Variants in NRG1 observed in about 807,000 individuals in gnomAD.
NRG1 encodes the protein neuregulin 1.
Under a neutral mutation model 63.8 loss-of-function variants are expected in NRG1, and 18 were observed. That is an observed-to-expected ratio of 0.28 (90% confidence interval 0.19 to 0.42). The LOEUF is 0.42. NRG1 is among the 10% of genes least tolerant of loss of function. The probability of loss-of-function intolerance (pLI) is 1.00; values close to 1 mark genes in which losing one functional copy is unlikely to be tolerated. For missense variants in NRG1, 762 were observed against 814.7 expected (o/e 0.94, Z 0.79); for synonymous variants, 302 against 301.3 (o/e 1.00, Z -0.02).
chr8:31,918,131 A>G (rs1345518324), intron 1 of NRG1, among the ~76,000 whole-genome samples: 2 of 152,176 alleles, frequency 1.3e-5, no homozygotes, highest in African/African-American at 4.8e-5. Context: ...CTAGATATAC[A>G]ATCATGTCAT....
At chr8:32,060,828 T>G (rs1237113652) in intron 1 of NRG1, among the ~76,000 whole-genome samples, 1 of 151,940 alleles carries the variant, frequency 6.6e-6, no homozygotes, top group Non-Finnish European at 1.5e-5. Context: ...TAGACTCTGG[T>G]TTTCTGCCTG....
intron 1 of NRG1, among the ~76,000 whole-genome samples, chr8:31,799,658 T>C (rs1396734153): frequency 6.6e-6 from 1 of 152,116 alleles, no homozygotes; most frequent in Admixed American, 6.5e-5. Context: ...TTTGCACTTT[T>C]ATGATTTTCC....
intron 1 of NRG1, among the ~76,000 whole-genome samples, chr8:31,937,781 C>T (rs117483094): frequency 0.014 from 2,123 of 152,242 alleles, 24 homozygotes; most frequent in Non-Finnish European, 0.024. Context: ...TATGACTCAA[C>T]AGTGGCAGCC....
At chr8:32,686,954 G>A (rs145089681) in intron 5 of NRG1, among the ~76,000 whole-genome samples, 2 of 152,328 alleles carry the variant, frequency 1.3e-5, no homozygotes, top group African/African-American at 2.4e-5. Flanking sequence ...AATTAACCCA[G>A]TGTTTGAATC....
At chr8:32,457,944 A>T (rs1373204578) in intron 1 of NRG1, among the ~76,000 whole-genome samples, 1 of 151,428 alleles carries the variant, frequency 6.6e-6, no homozygotes, top group Non-Finnish European at 1.5e-5. Context: ...TTTGAGATAG[A>T]GTCTCACTCT....
chr8:32,119,716 A>C (rs1450810483), intron 1 of NRG1, among the ~76,000 whole-genome samples: 1 of 151,982 alleles, frequency 6.6e-6, no homozygotes, highest in African/African-American at 2.4e-5. Flanking sequence ...GACACCCAGG[A>C]CAACTGGAAG....
rs1016272754 is a variant in NRG1, at chr8:32,013,961, C to A, written c.37+374530C>A. 5.3e-5 allele frequency among the ~76,000 whole-genome samples: 8 copies of A among 152,194 alleles called. No individual in the cohort carries two copies. The East Asian group carries it at 1.2e-3, about 22-fold the overall frequency. The stretch of plus-strand genomic sequence containing the variant: ...CAACTCAAAATAGGAAAAATTGTGA[C>A]CCTGTGATGACAACTATTACAGCTG... On this transcript the variant is annotated intron_variant, in intron 1 of 10. Coordinates refer to the NRG1 transcript ENST00000519301.
chr8:32,772,677 T>A (rs533013227), downstream of NRG1, among the ~76,000 whole-genome samples: 53 of 152,262 alleles, frequency 3.5e-4, no homozygotes, highest in Non-Finnish European at 5.7e-4. Context: ...GGACTTCTAG[T>A]TTCTCCCAGT....
chr8:32,757,439 T>C (rs1398294711), intron 9 of NRG1, among the ~76,000 whole-genome samples: 2 of 152,212 alleles, frequency 1.3e-5, no homozygotes, highest in Admixed American at 1.3e-4. Context: ...AAAAGGCATA[T>C]TTTGAATGGA....
intron 5 of NRG1, among the ~76,000 whole-genome samples, chr8:32,691,783 T>C (rs1431702413): frequency 6.6e-6 from 1 of 152,224 alleles, no homozygotes; most frequent in Non-Finnish European, 1.5e-5. Context: ...GTATATTTTT[T>C]TCCTGCTGAT....
At chr8:32,449,075 G>T (rs1164739765) in intron 1 of NRG1, among the ~76,000 whole-genome samples, 1 of 152,066 alleles carries the variant, frequency 6.6e-6, no homozygotes, top group Non-Finnish European at 1.5e-5. Flanking sequence ...TGGGAAAATT[G>T]CTTGAGCCCA....
chr8:31,864,545 G>C lies in NRG1; in HGVS notation c.37+225114G>C, dbSNP rs139744138. Among the ~76,000 whole-genome samples, 318 of 152,228 alleles carry C rather than the reference G, an allele frequency of 2.1e-3. 4 individuals are homozygous for C. The highest frequency in any genetic ancestry group is 5.9e-3 in the African/African-American group (244 of 41,538). On this transcript the variant is annotated intron_variant, in intron 1 of 10. Coordinates refer to the NRG1 transcript ENST00000519301. Reference sequence around the variant, plus strand: ...CAGTGGGTTTGAAGCCTTGAGGCAGGGGGGAATGAGGTGCATTCAAGAAAC... The same window carrying C: ...CAGTGGGTTTGAAGCCTTGAGGCAGCGGGGAATGAGGTGCATTCAAGAAAC...
intron 1 of NRG1, among the ~76,000 whole-genome samples, chr8:32,197,013 G>T (rs1423729782): frequency 7.7e-6 from 1 of 129,172 alleles, no homozygotes; most frequent in Non-Finnish European, 1.6e-5. Context: ...AGGCTGGAGT[G>T]CAGTGGCGCG....
At chr8:32,737,629 A>C (rs1329462484) in intron 6 of NRG1, among the ~76,000 whole-genome samples, 2 of 151,972 alleles carry the variant, frequency 1.3e-5, no homozygotes, top group African/African-American at 4.8e-5. Flanking sequence ...ACAGATGTTC[A>C]AGATTGACCT....
At chr8:32,142,698 C>G (rs2131743962) in intron 1 of NRG1, among the ~76,000 whole-genome samples, 1 of 152,260 alleles carries the variant, frequency 6.6e-6, no homozygotes, top group African/African-American at 2.4e-5. Context: ...GAAAATCCAG[C>G]TTTGGGATTT....
intron 1 of NRG1, among the ~76,000 whole-genome samples, chr8:32,361,577 G>T (rs1253229805): frequency 6.6e-6 from 1 of 151,976 alleles, no homozygotes; most frequent in East Asian, 1.9e-4. Context: ...GTCCAAAATT[G>T]GTTGTCCCTC....
intron 1 of NRG1, among the ~76,000 whole-genome samples, chr8:32,237,490 GT>G (rs923355783): frequency 2.0e-5 from 3 of 150,928 alleles, no homozygotes; most frequent in East Asian, 3.9e-4. Context: ...GCATTTGAGG[GT>G]TTTTTTTTCC....
chr8:32,130,050 G>A (rs1157455294), intron 1 of NRG1, among the ~76,000 whole-genome samples: 1 of 151,894 alleles, frequency 6.6e-6, no homozygotes, highest in Non-Finnish European at 1.5e-5. Context: ...GTTAGTAGTA[G>A]TTTTTAGTTG....
At chr8:32,772,815 GAA>G (rs1164854142), downstream of NRG1, among the ~76,000 whole-genome samples, 3 of 152,032 alleles carry the variant, frequency 2.0e-5, no homozygotes. Flanking sequence ...TTAAGAATAA[GAA>G]AGAGAGAAAA....
Sources: allele counts gnomAD v4.1 joint callset (sites outside exome capture counted in the v4.1 genomes callset), GRCh38; gene constraint gnomAD v4.1.1; transcripts MANE v1.5; gene names NCBI Gene and HGNC (gene_info 2026-07-23, HGNC 2026-07-21).